HDAC4: variants seen among roughly 807,000 people sequenced by gnomAD.
The protein encoded by HDAC4 is histone deacetylase A.
In HDAC4, 16 loss-of-function variants were observed where a neutral mutation model predicts 135.1. The ratio of observed to expected loss-of-function variants is 0.12; its 90% CI spans 0.08 to 0.18. The LOEUF (loss-of-function observed/expected upper bound fraction) is 0.18. HDAC4 is among the 10% of genes least tolerant of loss of function. HDAC4 has a pLI of 1.00. For missense variants in HDAC4, 1,143 were observed against 1,511.8 expected (o/e 0.76, Z 4.05); for synonymous variants, 685 against 653.4 (o/e 1.05, Z -0.74).
intron 2 of HDAC4, among the ~76,000 whole-genome samples, chr2:239,300,395 C>T (rs925921197): frequency 3.2e-4 from 49 of 152,214 alleles, no homozygotes; most frequent in African/African-American, 1.2e-3. Context: ...GCCACACCAT[C>T]CATGTGTTGA....
At chr2:239,140,671 C>T (rs975350326) in intron 8 of HDAC4, among the ~76,000 whole-genome samples, 2 of 152,204 alleles carry the variant, frequency 1.3e-5, no homozygotes, top group Non-Finnish European at 2.9e-5. Context: ...TCTGGGTGCT[C>T]AGAACCTCGC....
chr2:239,266,463 AC>A (rs1377020489), intron 2 of HDAC4, among the ~76,000 whole-genome samples: 3 of 152,010 alleles, frequency 2.0e-5, no homozygotes, highest in Admixed American at 2.0e-4. Context: ...TGGCCATGCT[AC>A]CCCCACCTAT....
chr2:239,384,783 C>T (rs1249641377), intron 1 of HDAC4, among the ~76,000 whole-genome samples: 2 of 152,156 alleles, frequency 1.3e-5, no homozygotes, highest in African/African-American at 4.8e-5. Flanking sequence ...CCTAAAATGC[C>T]GATTTGTATT....
chr2:239,248,184 C>CT lies in HDAC4; in HGVS notation c.23-11521dup, dbSNP rs1252789584. 2.2e-3 allele frequency among the ~76,000 whole-genome samples: 326 copies of CT among 145,122 alleles called. 1 individual carries two copies. The highest frequency in any genetic ancestry group is 4.8e-3 in the South Asian group (22 of 4,608). On this transcript the variant is annotated intron_variant, in intron 2 of 26. Transcript: ENST00000543185. ...GGTTGAAAGACTTACTCCTCTTGCA[C>CT]TTTTTTTTTTTTTTGAGATGGAGTC... is the stretch of plus-strand genomic sequence containing the variant.
At chr2:239,396,450 G>A (rs1177697994) in intron 1 of HDAC4, among the ~76,000 whole-genome samples, 1 of 152,028 alleles carries the variant, frequency 6.6e-6, no homozygotes, top group Non-Finnish European at 1.5e-5. Flanking sequence ...ATTATGACCA[G>A]CAACAGGTAT....
At chr2:239,386,023 G>A (rs1695777886) in intron 1 of HDAC4, among the ~76,000 whole-genome samples, 1 of 152,182 alleles carries the variant, frequency 6.6e-6, no homozygotes, top group Non-Finnish European at 1.5e-5. Context: ...AAGGAATCTG[G>A]GTCGGGGAGG....
intron 4 of HDAC4, among the ~76,000 whole-genome samples, chr2:239,182,653 G>A (rs775027114): frequency 3.9e-5 from 6 of 152,140 alleles, no homozygotes; most frequent in Non-Finnish European, 8.8e-5. Context: ...CAGATTATCT[G>A]TAGAGCAAAG....
At chr2:239,323,219 T>C (rs2053370183) in intron 2 of HDAC4, among the ~76,000 whole-genome samples, 1 of 152,202 alleles carries the variant, frequency 6.6e-6, no homozygotes, top group African/African-American at 2.4e-5. Context: ...ATTGCTGTTC[T>C]ATCGTGTATG....
At chr2:239,093,242 T>C in intron 17 of HDAC4, among the ~76,000 whole-genome samples, 1 of 152,176 alleles carries the variant, frequency 6.6e-6, no homozygotes, top group Admixed American at 6.5e-5. Flanking sequence ...GTTTTCCGTG[T>C]TCCAAGCCCC....
chr2:239,372,187 C>T lies in HDAC4; in HGVS notation c.-219-19269G>A, dbSNP rs536646528. 3.3e-5 allele frequency among the ~76,000 whole-genome samples: 5 copies of T among 152,312 alleles called. No homozygotes were observed. The South Asian group carries it at 1.0e-3, about 32-fold the overall frequency. ...GGACAGTGGGCCCCAGGACTCTCCT[C>T]TGCAGAACCAGAACAGAACCCACTG... On this transcript the variant is annotated intron_variant, in intron 1 of 26. Transcript: ENST00000543185.
chr2:239,221,841 C>T (rs2046975135), intron 3 of HDAC4, among the ~76,000 whole-genome samples: 1 of 152,188 alleles, frequency 6.6e-6, no homozygotes, highest in Non-Finnish European at 1.5e-5. Context: ...TATTAAATGA[C>T]AAGCCGAAAC....
intron 3 of HDAC4, among the ~76,000 whole-genome samples, chr2:239,196,388 C>T (rs914410050): frequency 5.3e-5 from 8 of 152,218 alleles, no homozygotes; most frequent in African/African-American, 1.7e-4. Context: ...CCCCCTACCC[C>T]GTGAGCAACA....
At position 239,068,142 on chromosome 2, in the gene HDAC4, G is replaced by C. The variant is rs1158818036; in HGVS notation, c.2869+347C>G. 6.6e-6 allele frequency among the ~76,000 whole-genome samples: 1 copy of C among 152,122 alleles called. No individual in the cohort carries two copies. Among genetic ancestry groups the C allele is most frequent in the East Asian group, 1.9e-4 (1 of 5,168 alleles). On this transcript the variant is annotated intron_variant, in intron 23 of 26. Coordinates refer to ENST00000543185, the MANE Select transcript of HDAC4 (RefSeq NM_001378414.1). This position sits in a 1 kb window ranked among gnomAD's most constrained non-coding sequence, Gnocchi z 4.4. ...CAGTTCCAAGGAGCACCGCCTGCCA[G>C]AGAAGCGGCATGGGGCACATCTCAG...
intron 7 of HDAC4, among the ~76,000 whole-genome samples, chr2:239,151,831 C>T (rs1374940260): frequency 2.0e-5 from 3 of 152,212 alleles, no homozygotes. Flanking sequence ...AGCAGCCGGG[C>T]CCCAACACAT....
intron 1 of HDAC4, among the ~76,000 whole-genome samples, chr2:239,371,914 A>G (rs530921794): frequency 1.2e-3 from 188 of 152,350 alleles, no homozygotes; most frequent in Non-Finnish European, 2.4e-3. Flanking sequence ...GTGGAGGGGC[A>G]GGGGGCAGCA....
At chr2:239,082,674 A>G (rs751717185) in intron 20 of HDAC4, among the ~76,000 whole-genome samples, 14 of 152,234 alleles carry the variant, frequency 9.2e-5, no homozygotes, top group Non-Finnish European at 1.8e-4. Context: ...GGAGGTGCCA[A>G]TTCCATGCCA....
rs2052359635 is a variant in HDAC4, at chr2:239,303,024, C to T, written c.22+49654G>A. On this transcript the variant is annotated intron_variant, in intron 2 of 26. Transcript: ENST00000543185. The surrounding 1 kb of genome is among the most constrained non-coding windows in gnomAD (Gnocchi z 5.1). ...ATGCTGGGCTGGGCGTCACCCCTGC[C>T]ACCTCGGGAGTCCTCAAACCCCCCC... Among the ~76,000 whole-genome samples, 1 of 152,210 alleles carries T rather than the reference C, an allele frequency of 6.6e-6. No individual in the cohort carries two copies. Among genetic ancestry groups the T allele is most frequent in the Non-Finnish European group, 1.5e-5 (1 of 68,036 alleles).
At chr2:239,077,312 G>C (rs892410162) in intron 22 of HDAC4, among the ~76,000 whole-genome samples, 1 of 152,268 alleles carries the variant, frequency 6.6e-6, no homozygotes, top group African/African-American at 2.4e-5. Flanking sequence ...TCCCGTGCCA[G>C]GCTCGTTCTT....
At chr2:239,254,701 T>C (rs559336601) in intron 2 of HDAC4, among the ~76,000 whole-genome samples, 1 of 152,056 alleles carries the variant, frequency 6.6e-6, no homozygotes, top group African/African-American at 2.4e-5. Flanking sequence ...TCCTAAAGAA[T>C]GGAAAAAATG....
Sources: gnomAD v4.1 joint callset for allele counts (sites outside exome capture counted in the v4.1 genomes callset) on GRCh38, gnomAD v4.1.1 for gene constraint, Gnocchi (gnomAD v3.1) non-coding constraint, MANE v1.5 for transcripts, NCBI Gene and HGNC (gene_info 2026-07-23, HGNC 2026-07-21) for gene names.